PHGDH: variants seen among roughly 807,000 people sequenced by gnomAD.
PHGDH encodes D-3-phosphoglycerate dehydrogenase.
Under a neutral mutation model 52.6 loss-of-function variants are expected in PHGDH, and 50 were observed. The ratio of observed to expected loss-of-function variants is 0.95; its 90% CI spans 0.76 to 1.20. The LOEUF (loss-of-function observed/expected upper bound fraction) is 1.20, where lower values mean the gene tolerates loss of function less well. PHGDH is among the 50% of genes most tolerant of loss of function. The probability of loss-of-function intolerance (pLI) is 0.00; values close to 1 mark genes in which losing one functional copy is unlikely to be tolerated. For synonymous variants in PHGDH, 271 were observed against 280.5 expected, an observed-to-expected ratio of 0.97 and a Z score of 0.34; for missense variants, 630 against 684.6, an observed-to-expected ratio of 0.92 and a Z score of 0.89.
intron 5 of PHGDH, among the ~76,000 whole-genome samples, chr1:119,732,835 G>A (rs1651758799): frequency 6.6e-6 from 1 of 152,166 alleles, no homozygotes; most frequent in Non-Finnish European, 1.5e-5. Flanking sequence ...CCAGCCCCCA[G>A]GTTGTTCTTG....
chr1:119,720,799 A>C, intron 1 of PHGDH: 1 of 354,454 alleles, frequency 2.8e-6, no homozygotes, highest in African/African-American at 2.1e-5. Flanking sequence ...ACAGAGAGGA[A>C]CAGGAGATGG....
At chr1:119,740,260 C>A in intron 8 of PHGDH, 126 bp from the exon 9 acceptor site, 1 of 894,362 alleles carries the variant, frequency 1.1e-6, no homozygotes, top group Non-Finnish European at 1.8e-6. Flanking sequence ...TGTCACCCAC[C>A]AGGCACCAAG....
In PHGDH at chr1:119,742,747, G is replaced by A. The variant is rs991975794; in HGVS notation, c.1210-60G>A. On this transcript the variant is annotated intron_variant, in intron 10 of 11. Transcript: ENST00000641023. ...CTACCAATGGGTGATTTGGCCAAGA[G>A]AGGAGGGTGGACGTGGTGCAGCCAG... The A allele has an allele frequency of 5.8e-6, 6 of 1,026,952 alleles. No homozygotes were observed. In the African/African-American group the frequency reaches 6.3e-5, roughly 11 times the overall value. The allele number at this position is 1,026,952 out of a possible 1,614,324, so 63.6% of individuals were successfully genotyped here. A position where few individuals can be genotyped will look rare whatever the true frequency, so the allele number is the denominator to read the frequency against.
chr1:119,737,296 A>C (rs1001707639), intron 8 of PHGDH, 30 bp downstream of exon 8: 12 of 1,593,818 alleles, frequency 7.5e-6, no homozygotes, highest in Non-Finnish European at 9.5e-6. Flanking sequence ...GCTGGGGGCC[A>C]GGAGTCAGAG....
At chr1:119,717,595 T>C (rs914831872) in intron 1 of PHGDH, among the ~76,000 whole-genome samples, 1 of 152,190 alleles carries the variant, frequency 6.6e-6, no homozygotes, top group Non-Finnish European at 1.5e-5. Flanking sequence ...ATTTTTCTTC[T>C]TGAATTTTCA....
At chr1:119,729,182 A>G (rs1455354162) in intron 5 of PHGDH, among the ~76,000 whole-genome samples, 1 of 152,184 alleles carries the variant, frequency 6.6e-6, no homozygotes, top group Non-Finnish European at 1.5e-5. Context: ...AGAGAGGCAG[A>G]TGTAGCCCAG....
intron 7 of PHGDH, among the ~76,000 whole-genome samples, chr1:119,736,083 G>A (rs181525179): frequency 7.8e-4 from 119 of 152,362 alleles, no homozygotes; most frequent in Middle Eastern, 3.4e-3. Flanking sequence ...AAGGGGAAAG[G>A]ACATGGACTT....
chr1:119,732,072 G>A (rs773513038), intron 5 of PHGDH, among the ~76,000 whole-genome samples: 3 of 152,234 alleles, frequency 2.0e-5, no homozygotes, highest in South Asian at 2.1e-4. Flanking sequence ...TTTCATTGCC[G>A]TGGTAGGGAG....
chr1:119,737,410 C>T (rs1252795257), intron 8 of PHGDH, 144 bp downstream of exon 8: 1 of 733,420 alleles, frequency 1.4e-6, no homozygotes, highest in Non-Finnish European at 2.2e-6. Flanking sequence ...AGTCAGCACT[C>T]TCCGGAGCAG....
At chr1:119,725,757 G>A (rs587654275) in intron 3 of PHGDH, among the ~76,000 whole-genome samples, 1 of 152,210 alleles carries the variant, frequency 6.6e-6, no homozygotes, top group East Asian at 1.9e-4. Context: ...CTTTTTGCAC[G>A]CTCGCTCACT....
At chr1:119,738,149 C>T (rs751614839) in intron 8 of PHGDH, among the ~76,000 whole-genome samples, 1 of 152,142 alleles carries the variant, frequency 6.6e-6, no homozygotes, top group Non-Finnish European at 1.5e-5. Context: ...AGCCTCTCTG[C>T]AGCTTGTGTG....
At chr1:119,743,330 A>G (rs983596142) in intron 11 of PHGDH, among the ~76,000 whole-genome samples, 1 of 152,188 alleles carries the variant, frequency 6.6e-6, no homozygotes, top group Non-Finnish European at 1.5e-5. Context: ...CATGTTAGGT[A>G]CACTGGACCA....
intron 3 of PHGDH, among the ~76,000 whole-genome samples, chr1:119,726,200 G>T (rs1055676004): frequency 9.5e-4 from 143 of 151,148 alleles, no homozygotes; most frequent in Non-Finnish European, 1.9e-3. Flanking sequence ...GTGTGTGTGT[G>T]TGTGTGTGTG....
Position 119,735,238 on chromosome 1 carries a change from G to A in PHGDH, c.644-57G>A, listed in dbSNP as rs1651878018. The A allele has an allele frequency of 2.5e-6, 4 of 1,611,240 alleles. No homozygotes were observed. The East Asian group carries it at 8.9e-5, about 36-fold the overall frequency. On this transcript the variant is annotated intron_variant, in intron 6 of 11. Transcript: ENST00000641023. ...AAAGGGAAGACCTCTGGAAGCCAGG[G>A]ATGAGCGTGGGGATCCTGGTGCTGC... is the stretch of plus-strand genomic sequence containing the variant.
rs150045929 is a variant in PHGDH, at chr1:119,735,062, T to A, written c.644-233T>A. 1.1e-5 allele frequency: 7 copies of A among 648,028 alleles called. No individual in the cohort carries two copies. In the Admixed American group the frequency reaches 1.9e-4, roughly 17 times the overall value. The allele number at this position is 648,028 out of a possible 1,614,324, so 40.1% of individuals were successfully genotyped here. The stretch of plus-strand genomic sequence containing the variant: ...TTCCCAGACCCACTTGAAACAGTAA[T>A]ATCTCAAGAATTTCTAAGATGTTTC... On this transcript the variant is annotated intron_variant, in intron 6 of 11. Coordinates refer to ENST00000641023, the MANE Select transcript of PHGDH (RefSeq NM_006623.4).
intron 3 of PHGDH, among the ~76,000 whole-genome samples, chr1:119,725,342 C>T (rs587603881): frequency 2.0e-5 from 3 of 152,220 alleles, no homozygotes; most frequent in South Asian, 2.1e-4. Flanking sequence ...TGGTGCCGCA[C>T]GCATACATCT....
chr1:119,732,692 A>C (rs1238258133), intron 5 of PHGDH, among the ~76,000 whole-genome samples: 1 of 152,224 alleles, frequency 6.6e-6, no homozygotes, highest in Non-Finnish European at 1.5e-5. Context: ...CTGTGAAAGA[A>C]GGAAGCTGAG....
intron 1 of PHGDH, chr1:119,720,639 C>T: frequency 5.4e-6 from 1 of 185,818 alleles, no homozygotes; most frequent in South Asian, 1.1e-4. Flanking sequence ...AAGGCAGGGG[C>T]CTTGGATTTG....
intron 1 of PHGDH, 90 bp from the exon 2 acceptor site, chr1:119,721,080 C>A (rs587649254): frequency 8.2e-7 from 1 of 1,214,144 alleles, no homozygotes; most frequent in East Asian, 2.3e-5. Context: ...GGAAATGCAT[C>A]TCTTACTCAG....
Sources: gnomAD v4.1 joint callset for allele counts (sites outside exome capture counted in the v4.1 genomes callset) on GRCh38, gnomAD v4.1.1 for gene constraint, MANE v1.5 for transcripts, NCBI Gene and HGNC (gene_info 2026-07-23, HGNC 2026-07-21) for gene names.